Variants in ARHGAP15 observed in about 807,000 individuals in gnomAD.
ARHGAP15 encodes rho GTPase-activating protein 15.
In ARHGAP15, 51 loss-of-function variants were observed where a neutral mutation model predicts 63.7. That is an observed-to-expected ratio of 0.80 (90% CI 0.64 to 1.01). The LOEUF is 1.01. Among genes scored for constraint, ARHGAP15 ranks in the 50% least tolerant of loss-of-function variants. The pLI is 0.00. For synonymous variants in ARHGAP15, 191 were observed against 193.8 expected (o/e 0.99, Z 0.12); for missense variants, 560 against 564.6 (o/e 0.99, Z 0.08).
At chr2:143,354,152 G>A (rs1685704516) in intron 6 of ARHGAP15, among the ~76,000 whole-genome samples, 1 of 152,112 alleles carries the variant, frequency 6.6e-6, no homozygotes, top group African/African-American at 2.4e-5. Context: ...TCATCTCCAA[G>A]TCTCTTCACA....
intron 12 of ARHGAP15, among the ~76,000 whole-genome samples, chr2:143,664,763 C>T (rs1044719431): frequency 6.6e-6 from 1 of 152,182 alleles, no homozygotes; most frequent in Non-Finnish European, 1.5e-5. Context: ...GAAATACAAA[C>T]TACCATCAGA....
intron 5 of ARHGAP15, chr2:143,235,932 C>G (rs1224981666): frequency 1.9e-6 from 3 of 1,544,686 alleles, no homozygotes; most frequent in Non-Finnish European, 2.6e-6. Flanking sequence ...ACCTGCTGTA[C>G]TTTGTGATTT....
intron 11 of ARHGAP15, among the ~76,000 whole-genome samples, chr2:143,562,968 C>T (rs139234194): frequency 1.3e-5 from 2 of 152,248 alleles, no homozygotes; most frequent in African/African-American, 4.8e-5. Context: ...CACACATTTA[C>T]CGTGGATTGT....
At chr2:143,214,361 G>A (rs1692226907) in intron 3 of ARHGAP15, among the ~76,000 whole-genome samples, 4 of 152,094 alleles carry the variant, frequency 2.6e-5, no homozygotes, top group Admixed American at 2.6e-4. Flanking sequence ...CTTTGTGGTG[G>A]TAATTGCTAT....
chr2:143,299,588 T>C (rs1296492853), intron 6 of ARHGAP15, among the ~76,000 whole-genome samples: 2 of 151,960 alleles, frequency 1.3e-5, no homozygotes, highest in Admixed American at 1.3e-4. Flanking sequence ...GTCTTACCCT[T>C]ATCTGCCACT....
At chr2:143,178,170 A>T (rs886972199) in intron 2 of ARHGAP15, among the ~76,000 whole-genome samples, 6 of 152,260 alleles carry the variant, frequency 3.9e-5, no homozygotes, top group African/African-American at 1.4e-4. Context: ...AAGGAGGATT[A>T]CAAGATTTAT....
chr2:143,714,118 C>A (rs529623401), intron 13 of ARHGAP15, among the ~76,000 whole-genome samples: 1 of 152,344 alleles, frequency 6.6e-6, no homozygotes, highest in African/African-American at 2.4e-5. Context: ...CCTGCCCCTG[C>A]AGCAAACTTT....
chr2:143,582,619 A>G, intron 11 of ARHGAP15, among the ~76,000 whole-genome samples: 1 of 152,176 alleles, frequency 6.6e-6, no homozygotes, highest in East Asian at 1.9e-4. Context: ...CAATTTGGAA[A>G]TTCATTTCTC....
chr2:143,580,314 A>T (rs1464447283), intron 11 of ARHGAP15, among the ~76,000 whole-genome samples: 1 of 152,140 alleles, frequency 6.6e-6, no homozygotes, highest in African/African-American at 2.4e-5. Flanking sequence ...TGTATCTGTT[A>T]GTACCAAAGC....
intron 11 of ARHGAP15, among the ~76,000 whole-genome samples, chr2:143,615,491 C>T (rs542914031): frequency 4.6e-5 from 7 of 152,270 alleles, no homozygotes; most frequent in African/African-American, 1.4e-4. Context: ...GGATGCTTTT[C>T]ATATATTACA....
At chr2:143,438,663 A>T (rs1055498886) in intron 8 of ARHGAP15, among the ~76,000 whole-genome samples, 6 of 152,204 alleles carry the variant, frequency 3.9e-5, no homozygotes, top group African/African-American at 1.4e-4. Flanking sequence ...AGACTTTTCC[A>T]TAATGGTACA....
intron 4 of ARHGAP15, among the ~76,000 whole-genome samples, chr2:143,220,964 A>G (rs1692971760): frequency 6.6e-6 from 1 of 151,962 alleles, no homozygotes. Flanking sequence ...TTAACCTCTT[A>G]TTTCTCCCAA....
At chr2:143,348,039 T>G (rs1182856038) in intron 6 of ARHGAP15, among the ~76,000 whole-genome samples, 4 of 152,162 alleles carry the variant, frequency 2.6e-5, no homozygotes, top group Non-Finnish European at 2.9e-5. Context: ...TCAACTAGAA[T>G]GTCCTAAACA....
Position 143,435,673 on chromosome 2 carries a change from G to T in ARHGAP15, c.547G>T (p.Ala183Ser). The change falls in exon 7 of 14, where the codon GCT becomes TCT. Residue 183 changes from alanine (A) to serine (S), a missense_variant. By Grantham distance (99) the Ala-to-Ser change is moderately conservative. Transcript: ENST00000295095. The part of the protein sequence containing the change: ...IDFIILDWFH[A>S]IKNAIDRLPK... ...CTTCATCATATTGGATTGGTTCCAC[G>T]CTATCAAAAATGCAATTGACAGATT... 1 of 1,602,840 alleles carries T rather than the reference G, an allele frequency of 6.2e-7. No homozygotes were observed.
At chr2:143,588,464 G>A (rs1182288112) in intron 11 of ARHGAP15, among the ~76,000 whole-genome samples, 1 of 152,018 alleles carries the variant, frequency 6.6e-6, no homozygotes. Flanking sequence ...TTAATGACCT[G>A]TCCTCTAAGT....
At chr2:143,276,096 T>C (rs754315282) in intron 6 of ARHGAP15, among the ~76,000 whole-genome samples, 29 of 152,372 alleles carry the variant, frequency 1.9e-4, no homozygotes, top group Non-Finnish European at 4.1e-4. Context: ...CTGTAGTGCA[T>C]ACAACCTTAA....
intron 2 of ARHGAP15, among the ~76,000 whole-genome samples, chr2:143,186,384 T>TG (rs931121492): frequency 2.0e-5 from 3 of 152,182 alleles, no homozygotes; most frequent in Non-Finnish European, 4.4e-5. Context: ...TTCTTGTTCT[T>TG]GGGGGGAAAA....
At chr2:143,536,955 T>C (rs1233792844) in intron 10 of ARHGAP15, among the ~76,000 whole-genome samples, 1 of 152,176 alleles carries the variant, frequency 6.6e-6, no homozygotes, top group African/African-American at 2.4e-5. Context: ...CCACACCGAC[T>C]TCCACAATGG....
At chr2:143,289,829 GGAA>G (rs1009410566) in intron 6 of ARHGAP15, among the ~76,000 whole-genome samples, 18 of 152,078 alleles carry the variant, frequency 1.2e-4, no homozygotes, top group African/African-American at 4.3e-4. Context: ...CAAAAAAAGA[GGAA>G]GAAGAATTAT....
Sources: allele counts gnomAD v4.1 joint callset (sites outside exome capture counted in the v4.1 genomes callset), GRCh38; gene constraint gnomAD v4.1.1; transcripts MANE v1.5; gene names NCBI Gene and HGNC (gene_info 2026-07-23, HGNC 2026-07-21).